Variants in GRIP1 observed in about 807,000 individuals in gnomAD.
The protein encoded by GRIP1 is glutamate receptor-interacting protein 1.
A neutral mutation model predicts 129.9 loss-of-function variants in GRIP1; 45 were observed. That is an observed-to-expected ratio of 0.35 (90% CI 0.27 to 0.44). The LOEUF is 0.44. GRIP1 is among the 20% of genes least tolerant of loss of function. GRIP1 has a pLI of 1.00. For missense variants in GRIP1, 1,196 were observed against 1,396.8 expected, an observed-to-expected ratio of 0.86 and a Z score of 2.29; for synonymous variants, 530 against 520.8, an observed-to-expected ratio of 1.02 and a Z score of -0.24.
At chr12:66,550,862 G>T (rs916187425) in intron 2 of GRIP1, among the ~76,000 whole-genome samples, 1 of 152,104 alleles carries the variant, frequency 6.6e-6, no homozygotes, top group African/African-American at 2.4e-5. Flanking sequence ...GGCCTGAGTG[G>T]TGGACATTTA....
intron 1 of GRIP1, among the ~76,000 whole-genome samples, chr12:66,854,242 C>T (rs2039964754): frequency 6.6e-6 from 1 of 151,802 alleles, no homozygotes; most frequent in Admixed American, 6.6e-5. Context: ...GGGAAGGCCT[C>T]CCAGAGAGGA....
intron 1 of GRIP1, among the ~76,000 whole-genome samples, chr12:66,916,967 A>T (rs1206520439): frequency 6.6e-6 from 1 of 152,222 alleles, no homozygotes; most frequent in Non-Finnish European, 1.5e-5. Flanking sequence ...TAAAATAAAT[A>T]AGATTAGACA....
upstream of GRIP1, chr12:67,069,182 C>T (rs1053304586): frequency 2.5e-5 from 22 of 866,748 alleles, no homozygotes; most frequent in Non-Finnish European, 2.8e-5. Flanking sequence ...CTCCGCGCCT[C>T]CTCGCTCGTC....
At chr12:66,567,726 G>T in intron 2 of GRIP1, 1 of 219,702 alleles carries the variant, frequency 4.6e-6, no homozygotes, top group South Asian at 8.1e-5. Flanking sequence ...CCCTTCAGTT[G>T]AGCAGAAGGC....
At chr12:66,764,670 A>G (rs975500232) in intron 1 of GRIP1, among the ~76,000 whole-genome samples, 1 of 152,188 alleles carries the variant, frequency 6.6e-6, no homozygotes, top group Non-Finnish European at 1.5e-5. Flanking sequence ...ATTTGTAAGG[A>G]CAAGGGGTGG....
intron 13 of GRIP1, 55 bp from the exon 14 acceptor site, chr12:66,432,683 C>T (rs1428412937): frequency 1.0e-6 from 1 of 981,564 alleles, no homozygotes. Flanking sequence ...CTGGAGCACC[C>T]ATCAATAAAA....
chr12:67,028,379 T>G (rs2042970073), intron 1 of GRIP1, among the ~76,000 whole-genome samples: 1 of 152,226 alleles, frequency 6.6e-6, no homozygotes, highest in Admixed American at 6.5e-5. Flanking sequence ...ATAGAACGAC[T>G]TTTAAATAGA....
chr12:66,530,238 A>G (rs574505026), intron 4 of GRIP1, among the ~76,000 whole-genome samples: 1 of 152,248 alleles, frequency 6.6e-6, no homozygotes, highest in African/African-American at 2.4e-5. Context: ...CAATATTTAT[A>G]TAAGTAGAAT....
intron 1 of GRIP1, among the ~76,000 whole-genome samples, chr12:66,830,102 C>T (rs2039490357): frequency 1.3e-5 from 2 of 152,072 alleles, no homozygotes. Flanking sequence ...TGTGCTTGGC[C>T]CTTATAACAC....
chr12:66,929,010 T>C (rs1035209278), intron 1 of GRIP1, among the ~76,000 whole-genome samples: 1 of 152,186 alleles, frequency 6.6e-6, no homozygotes, highest in African/African-American at 2.4e-5. Context: ...GTTAAATAAC[T>C]TGCCCAAAGT....
chr12:66,732,643 T>C (rs2036476131), intron 1 of GRIP1, among the ~76,000 whole-genome samples: 1 of 152,150 alleles, frequency 6.6e-6, no homozygotes, highest in Non-Finnish European at 1.5e-5. Flanking sequence ...TTGCTTATAA[T>C]TTTCTTAACA....
intron 23 of GRIP1, among the ~76,000 whole-genome samples, chr12:66,367,341 G>A (rs538444671): frequency 2.6e-5 from 4 of 152,180 alleles, no homozygotes; most frequent in Non-Finnish European, 4.4e-5. Flanking sequence ...TGATTTCACT[G>A]AAACAGTTAT....
chr12:66,684,878 G>A (rs1309157604), intron 1 of GRIP1, among the ~76,000 whole-genome samples: 2 of 151,908 alleles, frequency 1.3e-5, no homozygotes, highest in Admixed American at 6.6e-5. Flanking sequence ...AAAACGAAAC[G>A]AAACGAAACA....
intron 7 of GRIP1, among the ~76,000 whole-genome samples, chr12:66,500,597 T>A (rs887740355): frequency 1.1e-4 from 16 of 152,090 alleles, no homozygotes; most frequent in Non-Finnish European, 2.4e-4. Context: ...CAGGGAAAAA[T>A]TTCACAGTGA....
upstream of GRIP1, chr12:67,069,186 G>C: frequency 1.2e-6 from 1 of 863,292 alleles, no homozygotes; most frequent in Non-Finnish European, 1.4e-6. Flanking sequence ...GCGCCTCCTC[G>C]CTCGTCCTCT....
intron 23 of GRIP1, among the ~76,000 whole-genome samples, chr12:66,354,500 C>A (rs1011174520): frequency 6.6e-6 from 1 of 152,158 alleles, no homozygotes. Flanking sequence ...CTGGGCACTG[C>A]GCCCAGCAGC....
intron 7 of GRIP1, among the ~76,000 whole-genome samples, chr12:66,482,000 A>T: frequency 6.6e-6 from 1 of 152,142 alleles, no homozygotes; most frequent in African/African-American, 2.4e-5. Context: ...CTAATGTAGA[A>T]GACAGGTTGA....
intron 1 of GRIP1, among the ~76,000 whole-genome samples, chr12:66,965,375 C>G (rs911229703): frequency 3.3e-5 from 5 of 152,016 alleles, no homozygotes; most frequent in Non-Finnish European, 7.4e-5. Flanking sequence ...AAGATTCTGC[C>G]TTTTTGGAAA....
At chr12:66,475,627 T>C (rs1282616296) in intron 7 of GRIP1, among the ~76,000 whole-genome samples, 1 of 152,152 alleles carries the variant, frequency 6.6e-6, no homozygotes, top group Non-Finnish European at 1.5e-5. Context: ...TAACAAACTG[T>C]CTCTCAGACC....
Sources: allele counts gnomAD v4.1 joint callset (sites outside exome capture counted in the v4.1 genomes callset), GRCh38; gene constraint gnomAD v4.1.1; transcripts MANE v1.5; gene names NCBI Gene and HGNC (gene_info 2026-07-23, HGNC 2026-07-21).